Variants in SND1 observed in about 807,000 individuals in gnomAD.
SND1 encodes staphylococcal nuclease and tudor domain containing 1.
SND1 carries 38 observed loss-of-function variants against 121.7 expected under a neutral mutation model. The ratio of observed to expected loss-of-function variants is 0.31; its 90% CI spans 0.24 to 0.41. The LOEUF (loss-of-function observed/expected upper bound fraction) is 0.41, where lower values mean the gene tolerates loss of function less well. Ranked by LOEUF, SND1 falls within the 10% of genes least tolerant of loss-of-function variation. The probability of loss-of-function intolerance (pLI) is 1.00; values close to 1 mark genes in which losing one functional copy is unlikely to be tolerated. For missense variants in SND1, 868 were observed against 1,184.6 expected (o/e 0.73, Z 3.92); for synonymous variants, 401 against 447.4 (o/e 0.90, Z 1.31).
intron 16 of SND1, among the ~76,000 whole-genome samples, chr7:128,013,957 C>G (rs988881220): frequency 3.9e-5 from 6 of 152,216 alleles, no homozygotes; most frequent in Non-Finnish European, 7.3e-5. Flanking sequence ...AAAGGGTAAT[C>G]TCTCTGTGCC....
At chr7:127,749,907 G>T (rs1359981119) in intron 10 of SND1, among the ~76,000 whole-genome samples, 1 of 152,154 alleles carries the variant, frequency 6.6e-6, no homozygotes, top group Non-Finnish European at 1.5e-5. Flanking sequence ...AGGAATTCTA[G>T]ACCAACTTGG....
chr7:127,859,309 A>G (rs973540393), intron 12 of SND1, among the ~76,000 whole-genome samples: 3 of 152,146 alleles, frequency 2.0e-5, no homozygotes, highest in Non-Finnish European at 2.9e-5. Context: ...TCTTGTCATC[A>G]CAGCTGCCTA....
intron 15 of SND1, among the ~76,000 whole-genome samples, chr7:127,986,890 AT>A (rs145681936): frequency 1.3e-5 from 2 of 151,714 alleles, no homozygotes; most frequent in African/African-American, 2.4e-5. Flanking sequence ...AATTTTTGGG[AT>A]TTTTTTTTAA....
At chr7:127,694,178 C>T (rs1457295821) in intron 2 of SND1, among the ~76,000 whole-genome samples, 1 of 152,168 alleles carries the variant, frequency 6.6e-6, no homozygotes, top group Non-Finnish European at 1.5e-5. Flanking sequence ...GGGATATCTT[C>T]TTACTATTGC....
intron 12 of SND1, among the ~76,000 whole-genome samples, chr7:127,861,713 C>G (rs1158088326): frequency 2.0e-5 from 3 of 152,150 alleles, no homozygotes. Flanking sequence ...TTAGGTGATC[C>G]ACCCGCCTCG....
In SND1 at chr7:128,012,795, G is replaced by A. The variant is rs73232974; in HGVS notation, c.1779+21739G>A. 8.1e-3 allele frequency among the ~76,000 whole-genome samples: 1,237 copies of A among 152,256 alleles called. 12 individuals are homozygous for A. The highest frequency in any genetic ancestry group is 0.014 in the Admixed American group (209 of 15,298). Reference sequence around the variant, plus strand: ...GCACCTTTTCATTCAGGGGTAGGCTGCTAGTTCTTCTTTCTTGGGGGGTTT... The same window carrying A: ...GCACCTTTTCATTCAGGGGTAGGCTACTAGTTCTTCTTTCTTGGGGGGTTT... On this transcript the variant is annotated intron_variant, in intron 16 of 23. Coordinates refer to ENST00000354725, the MANE Select transcript of SND1 (RefSeq NM_014390.4).
chr7:128,030,369 T>G lies in SND1; in HGVS notation c.1779+39313T>G, dbSNP rs765186662. 3.5e-5 allele frequency: 56 copies of G among 1,613,850 alleles called. 1 individual carries two copies. In the Admixed American group the frequency reaches 9.3e-4, roughly 27 times the overall value. On this transcript the variant is annotated intron_variant, in intron 16 of 23. Transcript: ENST00000354725. ...GTGGAGGTGGCGGAAGGTGTCGGCC[T>G]GGATCATCTGGATGTTGTTCTCCAT...
At chr7:127,768,114 G>A (rs960851312) in intron 10 of SND1, among the ~76,000 whole-genome samples, 4 of 152,174 alleles carry the variant, frequency 2.6e-5, no homozygotes, top group Admixed American at 1.3e-4. Flanking sequence ...CATAGAATAG[G>A]TTGGTGGGGG....
intron 10 of SND1, among the ~76,000 whole-genome samples, chr7:127,739,292 C>CTTGTATTAATTA (rs1796834041): frequency 1.3e-5 from 2 of 152,272 alleles, no homozygotes; most frequent in Middle Eastern, 3.4e-3. Flanking sequence ...ATATTTTTAC[C>CTTGTATTAATTA]CAAATCCCAT....
intron 10 of SND1, among the ~76,000 whole-genome samples, chr7:127,773,781 A>C (rs565027033): frequency 3.9e-5 from 6 of 152,302 alleles, no homozygotes; most frequent in African/African-American, 1.4e-4. Flanking sequence ...TTTCTACTTT[A>C]ATGAAGGTGA....
chr7:127,931,620 A>G (rs1424553979), intron 15 of SND1, among the ~76,000 whole-genome samples: 1 of 152,246 alleles, frequency 6.6e-6, no homozygotes, highest in East Asian at 1.9e-4. Flanking sequence ...AGAAGATGCC[A>G]TTCCAGGATT....
intron 1 of SND1, among the ~76,000 whole-genome samples, chr7:127,656,065 CTT>C (rs950889932): frequency 6.6e-6 from 1 of 152,102 alleles, no homozygotes; most frequent in Non-Finnish European, 1.5e-5. Context: ...CTCTGCCAGT[CTT>C]TTGTTTTATT....
At chr7:127,851,322 A>G (rs555543566) in intron 12 of SND1, among the ~76,000 whole-genome samples, 22 of 152,332 alleles carry the variant, frequency 1.4e-4, no homozygotes, top group African/African-American at 4.6e-4. Flanking sequence ...AAAGTGTACC[A>G]TGGAGAGCCC....
chr7:127,743,794 G>A (rs1796928068), intron 10 of SND1, among the ~76,000 whole-genome samples: 1 of 152,164 alleles, frequency 6.6e-6, no homozygotes, highest in East Asian at 1.9e-4. Flanking sequence ...TCAGGCTTGG[G>A]TTATTTCACA....
chr7:127,848,656 T>G (rs1402708779), intron 12 of SND1, among the ~76,000 whole-genome samples: 1 of 152,234 alleles, frequency 6.6e-6, no homozygotes, highest in Non-Finnish European at 1.5e-5. Context: ...TTCCTGTTAT[T>G]AAAGAGAACA....
chr7:127,773,760 T>C (rs1355972538), intron 10 of SND1, among the ~76,000 whole-genome samples: 1 of 152,162 alleles, frequency 6.6e-6, no homozygotes, highest in East Asian at 1.9e-4. Context: ...TTTTTTGAAG[T>C]GACATTTAAT....
intron 14 of SND1, among the ~76,000 whole-genome samples, chr7:127,914,753 T>A (rs764727033): frequency 6.6e-6 from 1 of 152,158 alleles, no homozygotes; most frequent in Non-Finnish European, 1.5e-5. Context: ...TCTTCTAGAA[T>A]ATAGTGGCAG....
chr7:127,982,183 T>C (rs1802278628), intron 15 of SND1, among the ~76,000 whole-genome samples: 1 of 152,272 alleles, frequency 6.6e-6, no homozygotes, highest in Non-Finnish European at 1.5e-5. Context: ...TAGATGCTTC[T>C]CTTCTCTTCC....
chr7:128,016,144 C>CTTTTTTTTTTTTTTTTT lies in SND1; in HGVS notation c.1779+25088_1779+25089insTTTTTTTTTTTTTTTTT, dbSNP rs767867847. 1.6e-5 allele frequency among the ~76,000 whole-genome samples: 2 copies of CTTTTTTTTTTTTTTTTT among 123,002 alleles called. 1 individual carries two copies. The highest frequency in any genetic ancestry group is 3.3e-5 in the Non-Finnish European group (2 of 60,600). 80.7% of individuals were successfully genotyped at this position (123,002 alleles called of 152,430 possible). ...CTGCTTAAATAGGGAGGAACAACTT[C>CTTTTTTTTTTTTTTTTT]CTTTTTTTTTTTTTTTTTTTAAGAG... On this transcript the variant is annotated intron_variant, in intron 16 of 23. Coordinates refer to ENST00000354725, the MANE Select transcript of SND1 (RefSeq NM_014390.4).
Sources: allele counts gnomAD v4.1 joint callset (sites outside exome capture counted in the v4.1 genomes callset), GRCh38; gene constraint gnomAD v4.1.1; transcripts MANE v1.5; gene names NCBI Gene and HGNC (gene_info 2026-07-23, HGNC 2026-07-21).